B3GALT1: variants seen among roughly 807,000 people sequenced by gnomAD.
B3GALT1 encodes UDP-Gal:betaGlcNAc beta 1,3-galactosyltransferase, polypeptide 1.
B3GALT1 carries 10 observed loss-of-function variants against 23.2 expected under a neutral mutation model. The observed-to-expected ratio is 0.43, with a 90% CI of 0.27 to 0.73. B3GALT1 has a LOEUF of 0.73. B3GALT1 is among the 30% of genes least tolerant of loss of function. The pLI is 0.21. For synonymous variants in B3GALT1, 156 were observed against 141.5 expected (o/e 1.10, Z -0.73); for missense variants, 299 against 405.4 (o/e 0.74, Z 2.25).
intron 1 of B3GALT1, among the ~76,000 whole-genome samples, chr2:167,337,929 C>A (rs1045714820): frequency 6.6e-6 from 1 of 152,070 alleles, no homozygotes; most frequent in Non-Finnish European, 1.5e-5. Context: ...GTTAGAGGAG[C>A]TTTCTGGAGT....
At chr2:167,763,821 C>A (rs1687933273) in intron 3 of B3GALT1, among the ~76,000 whole-genome samples, 2 of 151,166 alleles carry the variant, frequency 1.3e-5, no homozygotes, top group African/African-American at 4.9e-5. Flanking sequence ...AGGAAAAGTA[C>A]TACATAGTCT....
At chr2:167,799,999 G>A (rs763018925) in intron 3 of B3GALT1, among the ~76,000 whole-genome samples, 11 of 151,938 alleles carry the variant, frequency 7.2e-5, no homozygotes, top group Non-Finnish European at 1.0e-4. Context: ...GTTTCTCTTC[G>A]CTAGAACGTA....
intron 2 of B3GALT1, among the ~76,000 whole-genome samples, chr2:167,605,031 A>G (rs968631339): frequency 6.6e-6 from 1 of 152,228 alleles, no homozygotes. Flanking sequence ...AGAGAGCACT[A>G]GTTCTTCTAG....
intron 1 of B3GALT1, among the ~76,000 whole-genome samples, chr2:167,447,101 G>T (rs1047896899): frequency 3.3e-5 from 5 of 152,232 alleles, no homozygotes; most frequent in Admixed American, 1.3e-4. Context: ...TCAGCTACAG[G>T]TCTGTTGGAG....
chr2:167,491,121 G>C (rs1027408353), intron 2 of B3GALT1, among the ~76,000 whole-genome samples: 1 of 152,082 alleles, frequency 6.6e-6, no homozygotes, highest in Non-Finnish European at 1.5e-5. Flanking sequence ...TGTACTTTTA[G>C]GCCTCACTTC....
At chr2:167,400,192 GTC>G (rs1491020182) in intron 1 of B3GALT1, among the ~76,000 whole-genome samples, 1 of 149,086 alleles carries the variant, frequency 6.7e-6, no homozygotes, top group East Asian at 2.0e-4. Flanking sequence ...GTGTGTGTGT[GTC>G]TGTGTGTGTG....
intron 3 of B3GALT1, among the ~76,000 whole-genome samples, chr2:167,651,513 G>A (rs7591319): frequency 0.078 from 11,872 of 152,092 alleles, 1,208 homozygotes; most frequent in African/African-American, 0.24. Flanking sequence ...CATTCAGAGA[G>A]AAAAAGAGGT....
intron 3 of B3GALT1, among the ~76,000 whole-genome samples, chr2:167,701,795 C>A (rs1235804225): frequency 6.6e-6 from 1 of 152,142 alleles, no homozygotes; most frequent in Non-Finnish European, 1.5e-5. Flanking sequence ...CGTTTCCTGG[C>A]CAGGCATTTT....
At chr2:167,739,707 C>A (rs1206043568) in intron 3 of B3GALT1, among the ~76,000 whole-genome samples, 1 of 151,976 alleles carries the variant, frequency 6.6e-6, no homozygotes, top group African/African-American at 2.4e-5. Context: ...CAAAGATTAA[C>A]CCATAGAAGT....
chr2:167,864,918 G>C (rs1382095865), intron 4 of B3GALT1, among the ~76,000 whole-genome samples: 1 of 151,616 alleles, frequency 6.6e-6, no homozygotes, highest in Non-Finnish European at 1.5e-5. Context: ...ATAATGATAA[G>C]AAGTATTATA....
At chr2:167,667,115 T>G (rs1238789064) in intron 3 of B3GALT1, among the ~76,000 whole-genome samples, 1 of 152,164 alleles carries the variant, frequency 6.6e-6, no homozygotes, top group African/African-American at 2.4e-5. Flanking sequence ...TGTTTAGCAC[T>G]TCCTTCAGGA....
chr2:167,596,541 A>G (rs1254235815), intron 2 of B3GALT1, among the ~76,000 whole-genome samples: 1 of 152,238 alleles, frequency 6.6e-6, no homozygotes, highest in African/African-American at 2.4e-5. Context: ...CTGTGTTTAC[A>G]ACACTGAGTA....
At chr2:167,351,955 A>ATTTTTTTTTTTTT (rs71031283) in intron 1 of B3GALT1, among the ~76,000 whole-genome samples, 1 of 134,308 alleles carries the variant, frequency 7.4e-6, no homozygotes, top group African/African-American at 3.2e-5. Context: ...GCTGTTTTTG[A>ATTTTTTTTTTTTT]TTTTTTTTTT....
At chr2:167,493,201 A>C (rs1699735439) in intron 2 of B3GALT1, among the ~76,000 whole-genome samples, 1 of 152,160 alleles carries the variant, frequency 6.6e-6, no homozygotes, top group Non-Finnish European at 1.5e-5. Flanking sequence ...AGCCTTTCAC[A>C]TTATAGTCAT....
chr2:167,668,300 T>C (rs188679863), intron 3 of B3GALT1, among the ~76,000 whole-genome samples: 79 of 152,196 alleles, frequency 5.2e-4, no homozygotes, highest in African/African-American at 1.6e-3. Context: ...AGGAGGCAGT[T>C]TGCCCGTTCT....
At chr2:167,372,863 T>G (rs1697707268) in intron 1 of B3GALT1, among the ~76,000 whole-genome samples, 1 of 152,114 alleles carries the variant, frequency 6.6e-6, no homozygotes, top group South Asian at 2.1e-4. Flanking sequence ...GTCTGTGGAT[T>G]AGAAGACTTG....
intron 1 of B3GALT1, among the ~76,000 whole-genome samples, chr2:167,295,891 G>A (rs530310261): frequency 3.8e-4 from 58 of 152,046 alleles, no homozygotes; most frequent in African/African-American, 1.3e-3. Flanking sequence ...TTGTGTCAAT[G>A]GTCATAAATA....
chr2:167,838,546 A>T (rs1409561817), intron 4 of B3GALT1, among the ~76,000 whole-genome samples: 1 of 152,286 alleles, frequency 6.6e-6, no homozygotes, highest in African/African-American at 2.4e-5. Context: ...TAGCTTACCG[A>T]CCATAAAGAG....
intron 2 of B3GALT1, among the ~76,000 whole-genome samples, chr2:167,502,520 G>T (rs1304771319): frequency 6.6e-6 from 1 of 152,106 alleles, no homozygotes; most frequent in African/African-American, 2.4e-5. Context: ...AAGCATAGCT[G>T]GGGAGGCCTC....
Sources: gnomAD v4.1 joint callset for allele counts (sites outside exome capture counted in the v4.1 genomes callset) on GRCh38, gnomAD v4.1.1 for gene constraint, MANE v1.5 for transcripts, NCBI Gene and HGNC (gene_info 2026-07-23, HGNC 2026-07-21) for gene names.